CNTNAP5: variants seen among roughly 807,000 people sequenced by gnomAD.
CNTNAP5 encodes contactin associated protein family member 5, also known as contactin-associated protein-like 5.
In CNTNAP5, 72 loss-of-function variants were observed where a neutral mutation model predicts 150.2. The ratio of observed to expected loss-of-function variants is 0.48; its 90% CI spans 0.40 to 0.58. The LOEUF is 0.58. Among genes scored for constraint, CNTNAP5 ranks in the 20% least tolerant of loss-of-function variants. The probability of loss-of-function intolerance (pLI) is 0.00; values close to 1 mark genes in which losing one functional copy is unlikely to be tolerated. For synonymous variants in CNTNAP5, 672 were observed against 619.8 expected, an observed-to-expected ratio of 1.08 and a Z score of -1.25; for missense variants, 1,636 against 1,626.2, an observed-to-expected ratio of 1.01 and a Z score of -0.10.
At chr2:124,387,834 A>G (rs1251399446) in intron 3 of CNTNAP5, among the ~76,000 whole-genome samples, 1 of 152,166 alleles carries the variant, frequency 6.6e-6, no homozygotes, top group Non-Finnish European at 1.5e-5. Flanking sequence ...AAGCAAGTAG[A>G]ATGAGGACCA....
chr2:124,217,611 T>C (rs959925945), intron 1 of CNTNAP5, among the ~76,000 whole-genome samples: 1 of 152,166 alleles, frequency 6.6e-6, no homozygotes, highest in African/African-American at 2.4e-5. Flanking sequence ...CACTTCACCT[T>C]ATCCTGTTCA....
intron 1 of CNTNAP5, among the ~76,000 whole-genome samples, chr2:124,152,418 G>C (rs1018738875): frequency 3.9e-5 from 6 of 152,216 alleles, no homozygotes; most frequent in African/African-American, 1.4e-4. Flanking sequence ...TATGCAAGTA[G>C]CCCAAAGCCT....
chr2:124,262,232 G>T (rs1687477516), intron 3 of CNTNAP5, among the ~76,000 whole-genome samples: 1 of 151,950 alleles, frequency 6.6e-6, no homozygotes, highest in South Asian at 2.1e-4. Context: ...GCCACAGACT[G>T]GGACCCTGTC....
At chr2:124,181,847 G>T (rs1447710327) in intron 1 of CNTNAP5, among the ~76,000 whole-genome samples, 1 of 152,096 alleles carries the variant, frequency 6.6e-6, no homozygotes, top group African/African-American at 2.4e-5. Context: ...GATGATGATG[G>T]TATTAATTAT....
At chr2:124,544,443 A>T (rs1233605511) in intron 10 of CNTNAP5, among the ~76,000 whole-genome samples, 1 of 152,216 alleles carries the variant, frequency 6.6e-6, no homozygotes, top group African/African-American at 2.4e-5. Flanking sequence ...ACACTCCCAT[A>T]GTTCTTAATC....
At chr2:124,148,268 C>A (rs1684303446) in intron 1 of CNTNAP5, among the ~76,000 whole-genome samples, 1 of 150,818 alleles carries the variant, frequency 6.6e-6, no homozygotes. Context: ...CACTGCATTC[C>A]AGCCTGGGCA....
chr2:124,548,823 G>T (rs1395966331), intron 10 of CNTNAP5, among the ~76,000 whole-genome samples: 3 of 152,142 alleles, frequency 2.0e-5, no homozygotes, highest in Admixed American at 1.3e-4. Context: ...TAGAAACAGG[G>T]ACACTAAATC....
intron 19 of CNTNAP5, 49 bp from the exon 20 acceptor site, chr2:124,865,257 T>C (rs1677607067): frequency 6.8e-7 from 1 of 1,476,822 alleles, no homozygotes; most frequent in South Asian, 1.3e-5. Flanking sequence ...TGTCTTTGCA[T>C]TTTATAGGTG....
chr2:124,410,855 C>G (rs1211972050), intron 3 of CNTNAP5, among the ~76,000 whole-genome samples: 2 of 150,068 alleles, frequency 1.3e-5, no homozygotes, highest in Non-Finnish European at 3.0e-5. Context: ...CAAAAGCTAG[C>G]AGAAGGCAAG....
In CNTNAP5 at chr2:124,504,312, C is replaced by T; in HGVS notation, c.1083C>T (p.Cys361=). 1 of 1,613,302 alleles carries T rather than the reference C, an allele frequency of 6.2e-7. No individual in the cohort carries two copies. Among genetic ancestry groups the T allele is most frequent in the Non-Finnish European group, 8.5e-7 (1 of 1,179,342 alleles). ...TCCAGGGCAATGTCACTTTTTCCTG[C>T]TCCGAACCACAGATTGTGCCCATCA... is the stretch of plus-strand genomic sequence containing the variant. ...IYTVGNVTFS[C]SEPQIVPITF... is the part of the protein sequence containing the mutation. The change falls in exon 8 of 24, where the codon TGC becomes TGT. Residue 361 remains cysteine (C), a synonymous_variant. Coordinates refer to ENST00000682447, the MANE Select transcript of CNTNAP5 (RefSeq NM_001367498.1).
chr2:124,707,204 G>GAAGAAGAATAAT (rs1010621414), intron 13 of CNTNAP5, among the ~76,000 whole-genome samples: 1 of 142,614 alleles, frequency 7.0e-6, no homozygotes, highest in Non-Finnish European at 1.5e-5. Context: ...AGAAGAAGAA[G>GAAGAAGAATAAT]AATAAACAAC....
intron 1 of CNTNAP5, among the ~76,000 whole-genome samples, chr2:124,184,884 CTG>C (rs946812584): frequency 6.6e-6 from 1 of 152,132 alleles, no homozygotes; most frequent in Non-Finnish European, 1.5e-5. Context: ...CCTCTGAAGA[CTG>C]TGGGGTAAAA....
rs182284226 is a variant in CNTNAP5, at chr2:124,407,569, C to T, written c.382-9874C>T. On this transcript the variant is annotated intron_variant, in intron 3 of 23. Coordinates refer to ENST00000682447, the MANE Select transcript of CNTNAP5 (RefSeq NM_001367498.1). ...GAGGTTCAGGTACTTCAATACCCTT[C>T]TTCACAGGGGAAAGGGAGATGGCAG... 1.2e-4 allele frequency among the ~76,000 whole-genome samples: 19 copies of T among 152,234 alleles called. No homozygotes were observed. The East Asian group carries it at 3.3e-3, about 26-fold the overall frequency.
chr2:124,905,812 T>G (rs1236803081), intron 22 of CNTNAP5, among the ~76,000 whole-genome samples: 1 of 152,004 alleles, frequency 6.6e-6, no homozygotes, highest in Non-Finnish European at 1.5e-5. Context: ...CAGTTAGAAT[T>G]GGATAGTTTG....
chr2:124,356,435 C>A (rs1690009199), intron 3 of CNTNAP5, among the ~76,000 whole-genome samples: 1 of 148,666 alleles, frequency 6.7e-6, no homozygotes, highest in South Asian at 2.2e-4. Flanking sequence ...TTAGGTATAT[C>A]TCCCAATGCT....
intron 1 of CNTNAP5, among the ~76,000 whole-genome samples, chr2:124,135,667 C>T (rs1397568723): frequency 6.6e-6 from 1 of 152,198 alleles, no homozygotes; most frequent in Non-Finnish European, 1.5e-5. Context: ...CACTCCTATT[C>T]CTTTCTCCAC....
At chr2:124,665,350 T>C (rs1405980527) in intron 13 of CNTNAP5, among the ~76,000 whole-genome samples, 2 of 152,226 alleles carry the variant, frequency 1.3e-5, no homozygotes, top group Non-Finnish European at 2.9e-5. Context: ...GAATTTTAGT[T>C]TCAGCTAACA....
At chr2:124,151,542 G>C (rs995998258) in intron 1 of CNTNAP5, among the ~76,000 whole-genome samples, 1 of 152,134 alleles carries the variant, frequency 6.6e-6, no homozygotes, top group Non-Finnish European at 1.5e-5. Context: ...GTACCTCCTA[G>C]TGGGTTACTA....
chr2:124,354,370 A>G (rs538254073), intron 3 of CNTNAP5, among the ~76,000 whole-genome samples: 39 of 152,332 alleles, frequency 2.6e-4, no homozygotes, highest in Non-Finnish European at 4.7e-4. Flanking sequence ...AAAAACAACG[A>G]AAAACACACT....
Sources: allele counts gnomAD v4.1 joint callset (sites outside exome capture counted in the v4.1 genomes callset), GRCh38; gene constraint gnomAD v4.1.1; transcripts MANE v1.5; gene names NCBI Gene and HGNC (gene_info 2026-07-23, HGNC 2026-07-21).